CNTNAP3B: variants seen among roughly 807,000 people sequenced by gnomAD.
CNTNAP3B encodes contactin-associated protein-like 3B.
A neutral mutation model predicts 108.9 loss-of-function variants in CNTNAP3B; 25 were observed. That is an observed-to-expected ratio of 0.23 (90% CI 0.17 to 0.32). CNTNAP3B has a LOEUF of 0.32. Ranked by LOEUF, CNTNAP3B falls within the 10% of genes least tolerant of loss-of-function variation. The pLI is 1.00. For missense variants in CNTNAP3B, 252 were observed against 1,210.4 expected (o/e 0.21, Z 11.75); for synonymous variants, 103 against 473.4 (o/e 0.22, Z 10.16).
At chr9:42,001,590 T>C (rs1826006883) in intron 4 of CNTNAP3B, among the ~76,000 whole-genome samples, 1 of 136,186 alleles carries the variant, frequency 7.3e-6, no homozygotes, top group Non-Finnish European at 1.6e-5. Context: ...GGAAATGTAG[T>C]GGGATACTGG....
chr9:41,935,990 C>T (rs1195904694), intron 14 of CNTNAP3B, among the ~76,000 whole-genome samples: 1 of 152,374 alleles, frequency 6.6e-6, no homozygotes, highest in African/African-American at 2.4e-5. Context: ...CCAAGTGATA[C>T]GTTCCTCTGG....
At chr9:42,124,758 C>T (rs879880177) in intron 1 of CNTNAP3B, among the ~76,000 whole-genome samples, 3 of 125,812 alleles carry the variant, frequency 2.4e-5, no homozygotes, top group African/African-American at 9.8e-5. Flanking sequence ...AATAAACTTC[C>T]CAAAAAGAAT....
intron 13 of CNTNAP3B, among the ~76,000 whole-genome samples, chr9:41,952,962 T>G (rs1824737262): frequency 6.6e-6 from 1 of 152,194 alleles, no homozygotes; most frequent in South Asian, 2.1e-4. Flanking sequence ...AAGTCACTAG[T>G]CCTGCATATG....
rs547102226 is a variant in CNTNAP3B at position 42,058,271 on chromosome 9, T to C, written c.390+18598A>G. On this transcript the variant is annotated intron_variant, in intron 3 of 23. Coordinates refer to ENST00000377561, the MANE Select transcript of CNTNAP3B (RefSeq NM_001201380.3). ...AATCATTTGGTAATTCTATTTTTGA[T>C]TTTTTGAGGAAACTCCCCACTGCTT... 3.1e-3 allele frequency among the ~76,000 whole-genome samples: 468 copies of C among 152,182 alleles called. 4 individuals are homozygous for C. The highest frequency in any genetic ancestry group is 0.011 in the African/African-American group (446 of 41,374).
intron 3 of CNTNAP3B, among the ~76,000 whole-genome samples, chr9:42,042,198 G>A (rs1256193557): frequency 2.6e-5 from 3 of 115,390 alleles, no homozygotes; most frequent in Non-Finnish European, 3.7e-5. Flanking sequence ...AACCTGCTAC[G>A]TTGTACACAT....
chr9:42,034,290 G>T (rs1311121990), intron 3 of CNTNAP3B, among the ~76,000 whole-genome samples: 2 of 115,678 alleles, frequency 1.7e-5, no homozygotes, highest in African/African-American at 7.4e-5. Context: ...CTCTACTCCT[G>T]AATGCCTTCG....
At chr9:42,042,987 A>G (rs530470325) in intron 3 of CNTNAP3B, among the ~76,000 whole-genome samples, 242 of 122,380 alleles carry the variant, frequency 2.0e-3, no homozygotes, top group African/African-American at 6.7e-3. Context: ...TCAAATTCAA[A>G]TCATCATCAT....
chr9:41,963,937 T>G (rs1206743248), intron 11 of CNTNAP3B, among the ~76,000 whole-genome samples: 444 of 151,730 alleles, frequency 2.9e-3, no homozygotes, highest in African/African-American at 0.011. Flanking sequence ...CTCAATACAT[T>G]AATACTTTTA....
At chr9:42,095,925 G>A (rs1827888949) in intron 2 of CNTNAP3B, among the ~76,000 whole-genome samples, 1 of 138,762 alleles carries the variant, frequency 7.2e-6, no homozygotes. Flanking sequence ...GCGACCTGCT[G>A]CCGACGGAGC....
chr9:41,937,210 C>T (rs1588051135), intron 14 of CNTNAP3B, among the ~76,000 whole-genome samples: 1 of 149,732 alleles, frequency 6.7e-6, no homozygotes, highest in Admixed American at 6.6e-5. Flanking sequence ...TCACTGCAAC[C>T]TCTACCTCCT....
rs1824731975 is a variant in CNTNAP3B, at chr9:41,952,808, A to C, written c.2080+375T>G. ...CAAGTAGATTTAGAGGAAGACTTTG[A>C]GAAGAGTAAGGAGGTTACCGGTTCC... On this transcript the variant is annotated intron_variant, in intron 13 of 23. Coordinates refer to ENST00000377561, the MANE Select transcript of CNTNAP3B (RefSeq NM_001201380.3). Among the ~76,000 whole-genome samples, 4 of 150,654 alleles carry C rather than the reference A, an allele frequency of 2.7e-5. No individual in the cohort carries two copies. The South Asian group carries it at 8.5e-4, about 32-fold the overall frequency.
intron 18 of CNTNAP3B, among the ~76,000 whole-genome samples, chr9:41,915,853 T>C (rs1486973414): frequency 2.6e-5 from 4 of 151,214 alleles, no homozygotes; most frequent in Non-Finnish European, 5.9e-5. Context: ...TTTTGGTATA[T>C]AGGCCTTTTA....
intron 13 of CNTNAP3B, among the ~76,000 whole-genome samples, chr9:41,945,997 C>T (rs879202530): frequency 2.0e-5 from 3 of 152,266 alleles, no homozygotes; most frequent in Non-Finnish European, 2.9e-5. Flanking sequence ...TGAAAAAGGG[C>T]ATTACACAAT....
chr9:42,103,194 G>A, intron 2 of CNTNAP3B, among the ~76,000 whole-genome samples: 1 of 139,424 alleles, frequency 7.2e-6, no homozygotes, highest in Non-Finnish European at 1.5e-5. Flanking sequence ...CATCCACTGA[G>A]GCTCTGCAGC....
chr9:42,024,644 AC>A (rs1826382886), intron 3 of CNTNAP3B, among the ~76,000 whole-genome samples: 2 of 126,742 alleles, frequency 1.6e-5, no homozygotes, highest in African/African-American at 6.1e-5. Flanking sequence ...AGAAGAAATT[AC>A]AGAATACATG....
chr9:41,941,182 A>G (rs1824331491), intron 13 of CNTNAP3B, among the ~76,000 whole-genome samples: 1 of 151,216 alleles, frequency 6.6e-6, no homozygotes, highest in African/African-American at 2.4e-5. Flanking sequence ...TATGTACACT[A>G]TAATACCAAG....
intron 1 of CNTNAP3B, among the ~76,000 whole-genome samples, chr9:42,110,688 G>T (rs1191871949): frequency 7.3e-6 from 1 of 137,800 alleles, no homozygotes; most frequent in Admixed American, 7.2e-5. Flanking sequence ...AGGGAAGGGG[G>T]TGCCCATACC....
chr9:41,963,232 A>G (rs1255380246), intron 11 of CNTNAP3B, among the ~76,000 whole-genome samples: 2 of 152,278 alleles, frequency 1.3e-5, no homozygotes. Context: ...AAAAGTTTCA[A>G]TTAGGAACTC....
At chr9:42,087,286 A>G (rs535668396) in intron 2 of CNTNAP3B, among the ~76,000 whole-genome samples, 2 of 137,270 alleles carry the variant, frequency 1.5e-5, no homozygotes, top group South Asian at 5.0e-4. Flanking sequence ...GTCCACTTTA[A>G]GCAGCTTGCA....
Sources: allele counts gnomAD v4.1 joint callset (sites outside exome capture counted in the v4.1 genomes callset), GRCh38; gene constraint gnomAD v4.1.1; transcripts MANE v1.5; gene names NCBI Gene and HGNC (gene_info 2026-07-23, HGNC 2026-07-21).